MBD5: variants seen among roughly 807,000 people sequenced by gnomAD.
MBD5 encodes the protein methyl-CpG-binding domain protein 5.
In MBD5, 13 loss-of-function variants were observed where a neutral mutation model predicts 117.3. The observed-to-expected ratio is 0.11, with a 90% CI of 0.07 to 0.18. The LOEUF (loss-of-function observed/expected upper bound fraction) is 0.18. MBD5 is among the 10% of genes least tolerant of loss of function. The pLI, the probability that MBD5 is intolerant of heterozygous loss-of-function variation, is 1.00. For missense variants in MBD5, 1,879 were observed against 2,093.8 expected (o/e 0.90, Z 2.00); for synonymous variants, 727 against 766.4 (o/e 0.95, Z 0.85).
intron 4 of MBD5, among the ~76,000 whole-genome samples, chr2:148,380,120 A>G (rs1704094431): frequency 6.6e-6 from 1 of 152,166 alleles, no homozygotes; most frequent in Admixed American, 6.5e-5. Context: ...AACAAATATG[A>G]CTAGAGATAG....
intron 4 of MBD5, among the ~76,000 whole-genome samples, chr2:148,399,060 G>A (rs1704829949): frequency 6.6e-6 from 1 of 152,156 alleles, no homozygotes; most frequent in Non-Finnish European, 1.5e-5. Context: ...CTGTAGCCTT[G>A]TAATATAGTT....
chr2:148,028,214 C>T (rs1490303495), intron 1 of MBD5: 1 of 152,024 alleles, frequency 6.6e-6, no homozygotes, highest in Admixed American at 6.6e-5. Flanking sequence ...TATTAGAATA[C>T]ATTGTTTTAA....
chr2:148,085,381 C>CT, intron 1 of MBD5, among the ~76,000 whole-genome samples: 1 of 152,280 alleles, frequency 6.6e-6, no homozygotes, highest in Non-Finnish European at 1.5e-5. Flanking sequence ...ACTCTTGAAA[C>CT]TTTTACAGGA....
intron 3 of MBD5, among the ~76,000 whole-genome samples, chr2:148,334,416 T>C (rs1300483828): frequency 6.6e-6 from 1 of 152,052 alleles, no homozygotes; most frequent in Non-Finnish European, 1.5e-5. Flanking sequence ...CATTACAACC[T>C]GGAACTCTTG....
intron 1 of MBD5, among the ~76,000 whole-genome samples, chr2:148,023,321 A>G (rs1485016327): frequency 6.6e-6 from 1 of 152,182 alleles, no homozygotes; most frequent in Non-Finnish European, 1.5e-5. Flanking sequence ...AAGCTAAAAC[A>G]TATATTTTAG....
chr2:148,381,063 C>T (rs1704127581), intron 4 of MBD5, among the ~76,000 whole-genome samples: 1 of 152,184 alleles, frequency 6.6e-6, no homozygotes, highest in African/African-American at 2.4e-5. Flanking sequence ...CAGAGTGCCT[C>T]TCCTCCTCCA....
At chr2:148,022,891 A>G (rs1158931791) in intron 1 of MBD5, among the ~76,000 whole-genome samples, 1 of 152,194 alleles carries the variant, frequency 6.6e-6, no homozygotes, top group Non-Finnish European at 1.5e-5. Context: ...TTCTTAGTGC[A>G]TAGCTTTAAA....
At chr2:148,480,257 C>T (rs2105047153) in intron 8 of MBD5, among the ~76,000 whole-genome samples, 1 of 152,144 alleles carries the variant, frequency 6.6e-6, no homozygotes, top group African/African-American at 2.4e-5. Context: ...TCTAATTCTT[C>T]AATAATATTT....
At chr2:148,193,492 AAAAC>A (rs1265584625) in intron 2 of MBD5, among the ~76,000 whole-genome samples, 1 of 2,126 alleles carries the variant, frequency 4.7e-4, no homozygotes, top group African/African-American at 5.8e-4. Context: ...AAACCTGAGA[AAAAC>A]AAGCAATGGG....
At chr2:148,179,477 C>T (rs1698471767) in intron 2 of MBD5, among the ~76,000 whole-genome samples, 1 of 151,958 alleles carries the variant, frequency 6.6e-6, no homozygotes, top group Non-Finnish European at 1.5e-5. Flanking sequence ...ATTTATTAAT[C>T]AGCCCCTTTA....
chr2:148,424,082 G>A (rs1342704689), intron 4 of MBD5, among the ~76,000 whole-genome samples: 2 of 149,598 alleles, frequency 1.3e-5, no homozygotes, highest in Non-Finnish European at 3.0e-5. Context: ...GGAGGCTGAG[G>A]CAGGAGAATG....
intron 1 of MBD5, among the ~76,000 whole-genome samples, chr2:148,147,650 A>C (rs1055675828): frequency 6.6e-6 from 1 of 151,926 alleles, no homozygotes; most frequent in African/African-American, 2.4e-5. Flanking sequence ...GTGTTTTTTG[A>C]GTTATTTTTC....
intron 8 of MBD5, chr2:148,471,537 G>A (rs1306565350): frequency 6.6e-6 from 1 of 152,070 alleles, no homozygotes; most frequent in African/African-American, 2.4e-5. Flanking sequence ...CTAGTGTGTA[G>A]GTATAATACC....
intron 4 of MBD5, among the ~76,000 whole-genome samples, chr2:148,412,288 G>GTGTGTGTGTC: frequency 6.6e-6 from 1 of 151,440 alleles, no homozygotes; most frequent in Non-Finnish European, 1.5e-5. Flanking sequence ...GTGTGTGTGT[G>GTGTGTGTGTC]TGTGTGTGTG....
chr2:148,125,069 T>C (rs1696859842), intron 1 of MBD5, among the ~76,000 whole-genome samples: 1 of 151,866 alleles, frequency 6.6e-6, no homozygotes, highest in South Asian at 2.1e-4. Flanking sequence ...ATATCTAAAA[T>C]TACTGTATTT....
At chr2:148,052,072 G>A (rs187195610) in intron 1 of MBD5, among the ~76,000 whole-genome samples, 88 of 151,634 alleles carry the variant, frequency 5.8e-4, no homozygotes, top group African/African-American at 2.0e-3. Context: ...CTAGCTAAAG[G>A]TTTGTAAATT....
intron 2 of MBD5, among the ~76,000 whole-genome samples, chr2:148,201,540 T>G (rs1043724799): frequency 3.3e-5 from 5 of 152,202 alleles, no homozygotes; most frequent in East Asian, 3.9e-4. Context: ...TGCTGCTGCT[T>G]CTTGTCATAT....
At chr2:148,053,921 T>C (rs1386354446) in intron 1 of MBD5, 2 of 151,824 alleles carry the variant, frequency 1.3e-5, no homozygotes, top group East Asian at 3.9e-4. Flanking sequence ...TTTTTTTTTT[T>C]TTCTATGACA....
At position 148,258,932 on chromosome 2, in the gene MBD5, A is replaced by G. The variant is rs1700664921; in HGVS notation, c.-680+25537A>G. 2.0e-5 allele frequency among the ~76,000 whole-genome samples: 3 copies of G among 152,152 alleles called. No homozygotes were observed. The South Asian group carries it at 6.2e-4, about 32-fold the overall frequency. ...CGCCATAGCAGTGGTCACTTCATGT[A>G]TGTGTCACCCTACATACAGGGTGGG... is the stretch of plus-strand genomic sequence containing the variant. On this transcript the variant is annotated intron_variant, in intron 3 of 13. Transcript: ENST00000642680.
Sources: allele counts gnomAD v4.1 joint callset (sites outside exome capture counted in the v4.1 genomes callset), GRCh38; gene constraint gnomAD v4.1.1; transcripts MANE v1.5; gene names NCBI Gene and HGNC (gene_info 2026-07-23, HGNC 2026-07-21).